Variants in PALS2 observed in about 807,000 individuals in gnomAD.
PALS2 encodes the protein protein PALS2.
In PALS2, 27 loss-of-function variants were observed where a neutral mutation model predicts 61.6. The observed-to-expected ratio is 0.44, with a 90% CI of 0.32 to 0.60. The LOEUF is 0.60. Among genes scored for constraint, PALS2 ranks in the 20% least tolerant of loss-of-function variants. PALS2 has a pLI of 0.05. For missense variants in PALS2, 554 were observed against 639.4 expected (o/e 0.87, Z 1.44); for synonymous variants, 236 against 218.6 (o/e 1.08, Z -0.70).
chr7:24,605,246 T>G lies in PALS2; in HGVS notation c.-2-18420T>G, dbSNP rs552182621. On this transcript the variant is annotated intron_variant, in intron 1 of 11. Coordinates refer to ENST00000222644, the MANE Select transcript of PALS2 (RefSeq NM_001303037.2). Reference sequence around the variant, plus strand: ...TCATTGTGATATGGGCAATATTGTTTCTAATGATGAAATTCATTAGGATGT... The same window carrying G: ...TCATTGTGATATGGGCAATATTGTTGCTAATGATGAAATTCATTAGGATGT... 2.2e-4 allele frequency among the ~76,000 whole-genome samples: 34 copies of G among 152,338 alleles called. 1 individual carries two copies. Among genetic ancestry groups the G allele is most frequent in the African/African-American group, 6.7e-4 (28 of 41,592 alleles).
chr7:24,691,377 C>A lies in PALS2; in HGVS notation c.*3763C>A, dbSNP rs1788456398. The A allele has an allele frequency of 9.7e-6, 1 of 103,566 alleles. No homozygotes were observed. The highest frequency in any genetic ancestry group is 4.0e-5 in the African/African-American group (1 of 25,254). The allele number at this position is 103,566 out of a possible 1,614,324, so 6.4% of individuals were successfully genotyped here. ...TTCATTTTTTAAATGTTCGAGTTGC[C>A]ATATATTATGTATGTGTGTGTGTGT... On this transcript the variant is annotated 3_prime_UTR_variant, in exon 12 of 12. Coordinates refer to ENST00000222644, the MANE Select transcript of PALS2 (RefSeq NM_001303037.2).
At chr7:24,652,427 C>A (rs192632230) in intron 5 of PALS2, among the ~76,000 whole-genome samples, 1 of 152,030 alleles carries the variant, frequency 6.6e-6, no homozygotes, top group East Asian at 1.9e-4. Flanking sequence ...CATTCCATAC[C>A]CTCTCAAACT....
intron 1 of PALS2, among the ~76,000 whole-genome samples, chr7:24,614,452 A>G (rs1229769467): frequency 6.6e-6 from 1 of 151,940 alleles, no homozygotes. Flanking sequence ...AATAGTAACA[A>G]TTTGACTTCT....
intron 1 of PALS2, among the ~76,000 whole-genome samples, chr7:24,581,223 T>C (rs1220691299): frequency 9.9e-5 from 15 of 151,138 alleles, no homozygotes. Flanking sequence ...ATCTTTCAGC[T>C]CTGTGTCTTT....
At chr7:24,664,524 A>G (rs1192783303) in intron 6 of PALS2, among the ~76,000 whole-genome samples, 1 of 152,182 alleles carries the variant, frequency 6.6e-6, no homozygotes, top group Non-Finnish European at 1.5e-5. Context: ...TCCAGGACTT[A>G]GCACCAAATT....
At chr7:24,633,003 TAAA>T (rs144870515) in intron 2 of PALS2, among the ~76,000 whole-genome samples, 3 of 152,178 alleles carry the variant, frequency 2.0e-5, no homozygotes, top group African/African-American at 7.2e-5. Flanking sequence ...AACTACCTTA[TAAA>T]ATAACACTGT....
At chr7:24,636,760 G>A (rs1318257158) in intron 2 of PALS2, among the ~76,000 whole-genome samples, 1 of 151,866 alleles carries the variant, frequency 6.6e-6, no homozygotes, top group Non-Finnish European at 1.5e-5. Context: ...CTCTTAATGA[G>A]TTGTTGATCT....
intron 1 of PALS2, among the ~76,000 whole-genome samples, chr7:24,581,509 G>C (rs1452504998): frequency 2.6e-5 from 4 of 152,210 alleles, no homozygotes; most frequent in Non-Finnish European, 5.9e-5. Flanking sequence ...TCAGAAAAGG[G>C]AGGAGGAGTT....
At position 24,577,914 on chromosome 7, in the gene PALS2, C is replaced by A. The variant is rs1212658512; in HGVS notation, c.-3+4321C>A. Among the ~76,000 whole-genome samples the A allele has an allele frequency of 2.0e-5, 3 of 152,098 alleles. No individual in the cohort carries two copies. The East Asian group carries it at 5.8e-4, about 29-fold the overall frequency. Reference sequence around the variant, plus strand: ...ATCTCCATACTCACTAGAATATAAGCCCCGTGATATCAATGATCTTGTCTC... The same window carrying A: ...ATCTCCATACTCACTAGAATATAAGACCCGTGATATCAATGATCTTGTCTC... On this transcript the variant is annotated intron_variant, in intron 1 of 11. Transcript: ENST00000222644.
At chr7:24,584,586 G>T (rs1312081881) in intron 1 of PALS2, among the ~76,000 whole-genome samples, 67 of 143,384 alleles carry the variant, frequency 4.7e-4, no homozygotes, top group African/African-American at 1.6e-3. Context: ...GAGTAGGTTG[G>T]GAAAATTTTC....
At chr7:24,673,790 A>G (rs951830449) in intron 9 of PALS2, among the ~76,000 whole-genome samples, 4 of 151,820 alleles carry the variant, frequency 2.6e-5, no homozygotes, top group Non-Finnish European at 4.4e-5. Context: ...AATTTTTGCT[A>G]TAATCTTTAT....
At chr7:24,663,029 C>T (rs922096874) in intron 5 of PALS2, among the ~76,000 whole-genome samples, 2 of 152,044 alleles carry the variant, frequency 1.3e-5, no homozygotes, top group African/African-American at 4.8e-5. Context: ...ATTTGTCTTA[C>T]AATGAATTTA....
chr7:24,686,025 C>G (rs1207483711), intron 11 of PALS2, among the ~76,000 whole-genome samples: 1 of 152,164 alleles, frequency 6.6e-6, no homozygotes, highest in Non-Finnish European at 1.5e-5. Flanking sequence ...TACCATATTA[C>G]AAAGTAGCAC....
intron 5 of PALS2, among the ~76,000 whole-genome samples, chr7:24,655,630 ATT>A (rs770410952): frequency 0.011 from 1,043 of 96,854 alleles, 6 homozygotes; most frequent in African/African-American, 0.016. Context: ...TAGTTAGTAG[ATT>A]TTTTTTTTTT....
chr7:24,621,994 T>C (rs894122809), intron 1 of PALS2, among the ~76,000 whole-genome samples: 2 of 152,046 alleles, frequency 1.3e-5, no homozygotes, highest in African/African-American at 2.4e-5. Context: ...ACCATAAATG[T>C]ATGGATTTGT....
In PALS2 at chr7:24,650,653, A is replaced by G; in HGVS notation, c.592A>G (p.Ser198Gly). 1 of 1,612,070 alleles carries G rather than the reference A, an allele frequency of 6.2e-7. No homozygotes were observed. Among genetic ancestry groups the G allele is most frequent in the Admixed American group, 1.7e-5 (1 of 59,994 alleles). Residue 198 changes from serine to glycine, a missense_variant, in exon 5 of 12, where the codon AGT becomes GGT. Coordinates refer to ENST00000222644, the MANE Select transcript of PALS2 (RefSeq NM_001303037.2). ...ATTACAAGAATTACTGAAAAATATT[A>G]GTGGAAGTGTCACCCTAAAAATCTT... ...KELQELLKNI[S>G]GSVTLKILPS...
intron 2 of PALS2, among the ~76,000 whole-genome samples, chr7:24,640,857 A>C (rs906487700): frequency 5.9e-5 from 9 of 151,830 alleles, no homozygotes; most frequent in African/African-American, 2.2e-4. Flanking sequence ...AAATACAAAA[A>C]ATTAGCCAGG....
chr7:24,595,518 T>TATATA (rs1554299360), intron 1 of PALS2, among the ~76,000 whole-genome samples: 1,944 of 91,058 alleles, frequency 0.021, 33 homozygotes, highest in East Asian at 0.13. Flanking sequence ...TAATATATAA[T>TATATA]ATATATAATA....
At chr7:24,598,457 T>C (rs1047567204) in intron 1 of PALS2, among the ~76,000 whole-genome samples, 3 of 152,190 alleles carry the variant, frequency 2.0e-5, no homozygotes, top group Non-Finnish European at 4.4e-5. Context: ...GGAAAACATA[T>C]TAAAATAGTA....
Sources: allele counts gnomAD v4.1 joint callset (sites outside exome capture counted in the v4.1 genomes callset), GRCh38; gene constraint gnomAD v4.1.1; transcripts MANE v1.5; gene names NCBI Gene and HGNC (gene_info 2026-07-23, HGNC 2026-07-21).